The following ERC2 variants were observed in gnomAD, a reference collection of about 807,000 sequenced individuals.
ERC2 encodes the protein ERC protein 2.
ERC2 carries 42 observed loss-of-function variants against 114.8 expected under a neutral mutation model. The ratio of observed to expected loss-of-function variants is 0.37; its 90% CI spans 0.29 to 0.47. The LOEUF (loss-of-function observed/expected upper bound fraction) is 0.47, where lower values mean the gene tolerates loss of function less well. Among genes scored for constraint, ERC2 ranks in the 20% least tolerant of loss-of-function variants. The pLI is 0.99. For missense variants in ERC2, 939 were observed against 1,150.7 expected, an observed-to-expected ratio of 0.82 and a Z score of 2.66; for synonymous variants, 454 against 425.5, an observed-to-expected ratio of 1.07 and a Z score of -0.82.
chr3:56,015,849 G>T (rs1423629758), intron 8 of ERC2, among the ~76,000 whole-genome samples: 1 of 152,010 alleles, frequency 6.6e-6, no homozygotes, highest in African/African-American at 2.4e-5. Flanking sequence ...TCCTTTTTCT[G>T]CCCAGCCTCA....
chr3:56,086,569 A>T (rs1238935259), intron 6 of ERC2, among the ~76,000 whole-genome samples: 2 of 151,848 alleles, frequency 1.3e-5, no homozygotes, highest in Non-Finnish European at 1.5e-5. Flanking sequence ...AGTGTGCAGT[A>T]AGCAAGTATG....
intron 2 of ERC2, among the ~76,000 whole-genome samples, chr3:56,394,452 T>C (rs1444837387): frequency 6.6e-6 from 1 of 152,172 alleles, no homozygotes; most frequent in African/African-American, 2.4e-5. Context: ...ACTTTTTAAC[T>C]TTCTCCAAGC....
chr3:56,446,070 A>G (rs1257786114), intron 1 of ERC2, among the ~76,000 whole-genome samples: 1 of 152,142 alleles, frequency 6.6e-6, no homozygotes, highest in African/African-American at 2.4e-5. Context: ...TCATAACCCA[A>G]CTGAGGCTGT....
intron 2 of ERC2, among the ~76,000 whole-genome samples, chr3:56,418,057 C>A (rs2061236689): frequency 6.6e-6 from 1 of 151,988 alleles, no homozygotes; most frequent in Non-Finnish European, 1.5e-5. Context: ...AAGGCCAAGG[C>A]AGGAGGATCA....
At chr3:56,347,202 G>A (rs2058343921) in intron 2 of ERC2, among the ~76,000 whole-genome samples, 1 of 152,130 alleles carries the variant, frequency 6.6e-6, no homozygotes, top group South Asian at 2.1e-4. Flanking sequence ...TTTGTGTAGT[G>A]CTTGTAAAGC....
chr3:56,025,005 C>T (rs1395568259), intron 7 of ERC2, among the ~76,000 whole-genome samples: 1 of 152,150 alleles, frequency 6.6e-6, no homozygotes, highest in African/African-American at 2.4e-5. Flanking sequence ...TGTTGTTGAA[C>T]CTGTGTCGCA....
At chr3:56,340,521 T>A (rs562062573) in intron 2 of ERC2, among the ~76,000 whole-genome samples, 1 of 140,290 alleles carries the variant, frequency 7.1e-6, no homozygotes, top group South Asian at 2.5e-4. Flanking sequence ...TGTTTGTGTG[T>A]GAGAGAGAGA....
At chr3:55,874,311 G>T (rs866988264) in intron 14 of ERC2, among the ~76,000 whole-genome samples, 2 of 152,158 alleles carry the variant, frequency 1.3e-5, no homozygotes, top group South Asian at 2.1e-4. Flanking sequence ...TACATGGAAG[G>T]AGTATGGGGG....
chr3:55,895,651 T>G (rs1476517708), intron 13 of ERC2, among the ~76,000 whole-genome samples: 1 of 152,272 alleles, frequency 6.6e-6, no homozygotes, highest in Non-Finnish European at 1.5e-5. Flanking sequence ...CCATCTTCTT[T>G]GCAAGCCCCT....
intron 2 of ERC2, among the ~76,000 whole-genome samples, chr3:56,417,100 T>C (rs2061194729): frequency 6.6e-6 from 1 of 152,320 alleles, no homozygotes; most frequent in Admixed American, 6.5e-5. Flanking sequence ...CCAAAGTTTA[T>C]AAAAACCAAT....
At chr3:56,119,838 A>G (rs2079471716) in intron 6 of ERC2, among the ~76,000 whole-genome samples, 1 of 152,264 alleles carries the variant, frequency 6.6e-6, no homozygotes, top group Non-Finnish European at 1.5e-5. Context: ...TGACAGAGCT[A>G]TAATTCAACC....
chr3:55,595,426 C>T (rs1420430210), intron 17 of ERC2, among the ~76,000 whole-genome samples: 2 of 152,190 alleles, frequency 1.3e-5, no homozygotes, highest in African/African-American at 4.8e-5. Flanking sequence ...ATTCTATTCC[C>T]ATCCCTTACC....
chr3:55,679,314 G>C (rs889734157), intron 17 of ERC2, among the ~76,000 whole-genome samples: 175 of 152,264 alleles, frequency 1.1e-3, no homozygotes, highest in African/African-American at 4.1e-3. Context: ...CCTTGGCATG[G>C]ATACCTCCTG....
intron 12 of ERC2, among the ~76,000 whole-genome samples, chr3:55,972,723 G>A (rs1282555832): frequency 6.6e-6 from 1 of 152,190 alleles, no homozygotes; most frequent in African/African-American, 2.4e-5. Context: ...TGTAAATAGT[G>A]CTGCAGTAAA....
At chr3:56,054,978 C>T (rs547697802) in intron 7 of ERC2, among the ~76,000 whole-genome samples, 9 of 152,256 alleles carry the variant, frequency 5.9e-5, no homozygotes, top group African/African-American at 2.2e-4. Flanking sequence ...CATGGCAGTG[C>T]GATGTAATTC....
intron 17 of ERC2, among the ~76,000 whole-genome samples, chr3:55,546,200 A>G (rs1002129457): frequency 6.6e-6 from 1 of 152,170 alleles, no homozygotes; most frequent in Non-Finnish European, 1.5e-5. Context: ...TCTGCTCGGC[A>G]CTTCCTGGGC....
At position 55,941,562 on chromosome 3, in the gene ERC2, A is replaced by T. The variant is rs542910247; in HGVS notation, c.2403+8863T>A. 1.4e-3 allele frequency among the ~76,000 whole-genome samples: 211 copies of T among 152,270 alleles called. 2 individuals carry two copies. The highest frequency in any genetic ancestry group is 3.5e-3 in the Admixed American group (53 of 15,292). On this transcript the variant is annotated intron_variant, in intron 13 of 17. Coordinates refer to ENST00000288221, the MANE Select transcript of ERC2 (RefSeq NM_015576.3). ...CTCCCTTTCTGAGAGCACCCTCAAT[A>T]AACTTCTTGCATGTTCATCTCAGAG...
intron 14 of ERC2, among the ~76,000 whole-genome samples, chr3:55,755,274 C>T (rs748412936): frequency 6.6e-6 from 1 of 152,022 alleles, no homozygotes; most frequent in Non-Finnish European, 1.5e-5. Context: ...GCTTAAGTTA[C>T]CAGCATTCAC....
chr3:56,067,682 T>C (rs1576787427), intron 7 of ERC2, among the ~76,000 whole-genome samples: 1 of 152,344 alleles, frequency 6.6e-6, no homozygotes, highest in Non-Finnish European at 1.5e-5. Context: ...GGGTTTATCA[T>C]AAATAGCTCT....
Sources: gnomAD v4.1 joint callset for allele counts (sites outside exome capture counted in the v4.1 genomes callset) on GRCh38, gnomAD v4.1.1 for gene constraint, MANE v1.5 for transcripts, NCBI Gene and HGNC (gene_info 2026-07-23, HGNC 2026-07-21) for gene names.